CHST10: variants seen among roughly 807,000 people sequenced by gnomAD.
CHST10 encodes carbohydrate sulfotransferase 10, also known as HNK-1 sulfotransferase.
CHST10 carries 24 observed loss-of-function variants against 34.7 expected under a neutral mutation model. The observed-to-expected ratio is 0.69, with a 90% CI of 0.50 to 0.97. The LOEUF (loss-of-function observed/expected upper bound fraction) is 0.97. CHST10 is among the 50% of genes least tolerant of loss of function. The pLI is 0.00. For synonymous variants in CHST10, 161 were observed against 169.3 expected, an observed-to-expected ratio of 0.95 and a Z score of 0.38; for missense variants, 402 against 452.1, an observed-to-expected ratio of 0.89 and a Z score of 1.00.
intron 2 of CHST10, among the ~76,000 whole-genome samples, chr2:100,414,701 C>T (rs1195361479): frequency 1.3e-5 from 2 of 152,080 alleles, no homozygotes; most frequent in African/African-American, 2.4e-5. Flanking sequence ...CGCCTTGGAA[C>T]GATTAACCAC....
chr2:100,414,868 T>A (rs1277931111), intron 2 of CHST10, among the ~76,000 whole-genome samples, 173 bp downstream of exon 2: 1 of 152,168 alleles, frequency 6.6e-6, no homozygotes, highest in Non-Finnish European at 1.5e-5. Context: ...CTAACTCACA[T>A]AATCCCAGCC....
In CHST10 at chr2:100,393,626, T is replaced by C. The variant is rs1275689358; in HGVS notation, c.690A>G (p.Thr230=). The C allele has an allele frequency of 1.2e-6, 2 of 1,614,194 alleles. No individual in the cohort carries two copies. Among genetic ancestry groups the C allele is most frequent in the Admixed American group, 3.3e-5 (2 of 60,014 alleles). The change falls in exon 7 of 7, where the codon ACA becomes ACG. Residue 230 remains threonine (T), a synonymous_variant. Transcript: ENST00000264249. The part of the protein sequence containing the change: ...GIIRKYRRNR[T]ETRGIQFEDF... ...CTTCAAACTGGATCCCCCGGGTCTC[T>C]GTCCGGTTCCTCCTGTATTTTCTGA...
intron 4 of CHST10, among the ~76,000 whole-genome samples, chr2:100,399,871 A>T (rs907382671): frequency 1.3e-5 from 2 of 152,210 alleles, no homozygotes; most frequent in Admixed American, 6.5e-5. Context: ...GCCCCTTTGC[A>T]GAGTGGCCTC....
chr2:100,411,424 T>C (rs895374514), intron 2 of CHST10, among the ~76,000 whole-genome samples: 3 of 152,150 alleles, frequency 2.0e-5, no homozygotes, highest in Non-Finnish European at 4.4e-5. Context: ...GTTAAAAATT[T>C]AGAAAACTGG....
In CHST10 at chr2:100,397,940, G is replaced by C; in HGVS notation, c.395C>G (p.Thr132Ser). Reference sequence around the variant, plus strand: ...AACAATCAGCACTTTCTTCCACTGGGTGTTGCCCACTTTGGGAGTCTGGCA... The same window carrying C: ...AACAATCAGCACTTTCTTCCACTGGCTGTTGCCCACTTTGGGAGTCTGGCA... The part of the protein sequence containing the change: ...LFCQTPKVGN[T>S]QWKKVLIVLN... Residue 132 changes from threonine to serine, a missense_variant, in exon 5 of 7, where the codon ACC (threonine) becomes AGC (serine). By Grantham distance (58) the Thr-to-Ser change is moderately conservative. Transcript: ENST00000264249. The C allele has an allele frequency of 6.2e-7, 1 of 1,613,954 alleles. No individual in the cohort carries two copies. Among genetic ancestry groups the C allele is most frequent in the Non-Finnish European group, 8.5e-7 (1 of 1,179,908 alleles).
intron 3 of CHST10, 82 bp downstream of exon 3, chr2:100,406,494 G>C: frequency 6.5e-7 from 1 of 1,535,636 alleles, no homozygotes; most frequent in Non-Finnish European, 8.8e-7. Context: ...TGTGACAGAA[G>C]TCATCTATGC....
intron 6 of CHST10, 56 bp downstream of exon 6, chr2:100,395,453 A>G: frequency 6.6e-7 from 1 of 1,505,390 alleles, no homozygotes. Flanking sequence ...TTTTCCCCAA[A>G]TTTCTTCTCA....
At chr2:100,405,357 A>G (rs1173598004) in intron 3 of CHST10, among the ~76,000 whole-genome samples, 4 of 152,180 alleles carry the variant, frequency 2.6e-5, no homozygotes, top group African/African-American at 4.8e-5. Context: ...ATGACAGCCA[A>G]TCAGGGCCCA....
Position 100,406,765 on chromosome 2 carries a change from G to A in CHST10, c.-32-58C>T, listed in dbSNP as rs1675597991. The A allele has an allele frequency of 7.1e-6, 11 of 1,553,794 alleles. No homozygotes were observed. The South Asian group carries it at 1.1e-4, about 16-fold the overall frequency. On this transcript the variant is annotated intron_variant, in intron 2 of 6. Transcript: ENST00000264249. Reference sequence around the variant, plus strand: ...TACAAATACATCAAGTCAACAAAGAGGAATGAAAACGACAGGTGATTTCAG... The same window carrying A: ...TACAAATACATCAAGTCAACAAAGAAGAATGAAAACGACAGGTGATTTCAG...
intron 4 of CHST10, among the ~76,000 whole-genome samples, chr2:100,400,578 G>A (rs1297907317): frequency 2.0e-5 from 3 of 152,202 alleles, no homozygotes; most frequent in African/African-American, 7.2e-5. Flanking sequence ...GTGTAAGAAT[G>A]AGCATTGTTT....
At position 100,415,091 on chromosome 2, in the gene CHST10, G is replaced by A. The variant is rs891228628; in HGVS notation, c.-83C>T. ...CCTTGCTGTGTTTCCCCTGAACTGA[G>A]GTTCTTGGTTCCTCTTGTCACTGGA... On this transcript the variant is annotated 5_prime_UTR_variant, in exon 2 of 7. Transcript: ENST00000264249. 6.1e-6 allele frequency: 8 copies of A among 1,301,604 alleles called. No homozygotes were observed. Among genetic ancestry groups the A allele is most frequent in the East Asian group, 1.1e-4 (2 of 17,942 alleles). 80.6% of individuals were successfully genotyped at this position (1,301,604 alleles called of 1,614,324 possible). A position where few individuals can be genotyped will look rare whatever the true frequency, so the allele number is the denominator to read the frequency against.
chr2:100,416,825 A>T (rs1676087746), intron 1 of CHST10: 2 of 497,820 alleles, frequency 4.0e-6, no homozygotes, highest in Non-Finnish European at 3.4e-6. Context: ...AGCAAAAATG[A>T]CATTTTGGAA....
intron 4 of CHST10, among the ~76,000 whole-genome samples, chr2:100,401,776 CTA>C (rs1053605534): frequency 6.6e-6 from 1 of 152,116 alleles, no homozygotes; most frequent in Non-Finnish European, 1.5e-5. Context: ...TGTATGTTTT[CTA>C]TGTTTATTGA....
chr2:100,416,950 G>T, intron 1 of CHST10: 1 of 1,303,622 alleles, frequency 7.7e-7, no homozygotes, highest in Non-Finnish European at 1.0e-6. Flanking sequence ...GGCCCCTCAG[G>T]CAGGGAACGT....
At chr2:100,401,101 C>A (rs1215150045) in intron 4 of CHST10, among the ~76,000 whole-genome samples, 1 of 152,216 alleles carries the variant, frequency 6.6e-6, no homozygotes, top group African/African-American at 2.4e-5. Flanking sequence ...GCGGACATCA[C>A]CTCTGACATC....
At chr2:100,416,769 A>T in intron 1 of CHST10, 1 of 363,186 alleles carries the variant, frequency 2.8e-6, no homozygotes, top group South Asian at 2.0e-5. Flanking sequence ...TGGCTGCACT[A>T]CTTTCCATTC....
intron 6 of CHST10, among the ~76,000 whole-genome samples, chr2:100,395,270 T>C (rs539912477): frequency 8.5e-5 from 13 of 152,348 alleles, no homozygotes; most frequent in African/African-American, 3.1e-4. Flanking sequence ...AACAAAATGA[T>C]GTCACCTTCA....
chr2:100,416,704 A>AACAACAACC (rs1191571769), intron 1 of CHST10: 1 of 335,760 alleles, frequency 3.0e-6, no homozygotes, highest in Admixed American at 3.8e-5. Context: ...CAACAACAAC[A>AACAACAACC]ACAACAACAA....
Position 100,417,361 on chromosome 2 carries a change from T to C in CHST10, c.-104+13A>G, listed in dbSNP as rs945958495. 10 of 342,446 alleles carry C rather than the reference T, an allele frequency of 2.9e-5. No homozygotes were observed. The highest frequency in any genetic ancestry group is 1.8e-4 in the South Asian group (8 of 43,888). 21.2% of individuals were successfully genotyped at this position (342,446 alleles called of 1,614,324 possible). On this transcript the variant is annotated intron_variant, in intron 1 of 6. Coordinates refer to ENST00000264249, the MANE Select transcript of CHST10 (RefSeq NM_004854.5). ...GCGCTGAAACCCACCCGCCTGCGCG[T>C]CCCCGAGCTCACCCTACTGGAGCGG... is the stretch of plus-strand genomic sequence containing the variant.
Sources: gnomAD v4.1 joint callset for allele counts (sites outside exome capture counted in the v4.1 genomes callset) on GRCh38, gnomAD v4.1.1 for gene constraint, MANE v1.5 for transcripts, NCBI Gene and HGNC (gene_info 2026-07-23, HGNC 2026-07-21) for gene names.